Variants in MGAT4D observed in about 807,000 individuals in gnomAD.
The protein encoded by MGAT4D is MGAT4 family member D, also known as alpha-1,3-mannosyl-glycoprotein 4-beta-N-acetylglucosaminyltransferase-like protein MGAT4D.
A neutral mutation model predicts 15.9 loss-of-function variants in MGAT4D; 34 were observed. The ratio of observed to expected loss-of-function variants is 2.14; its 90% confidence interval spans 1.62 to 2.84. The LOEUF (loss-of-function observed/expected upper bound fraction) is 2.84, where lower values mean the gene tolerates loss of function less well. Ranked by LOEUF, MGAT4D falls within the 30% of genes most tolerant of loss-of-function variation. The probability of loss-of-function intolerance (pLI) is 0.00; values close to 1 mark genes in which losing one functional copy is unlikely to be tolerated. For synonymous variants in MGAT4D, 112 were observed against 48.2 expected (o/e 2.33, Z -5.49); for missense variants, 327 against 140.2 (o/e 2.33, Z -6.73).
At chr4:140,497,180 A>C (rs1188175948) in intron 1 of MGAT4D, among the ~76,000 whole-genome samples, 1 of 152,192 alleles carries the variant, frequency 6.6e-6, no homozygotes, top group Non-Finnish European at 1.5e-5. Flanking sequence ...CCTTGTGTGC[A>C]CTTAAGTCAT....
chr4:140,479,264 A>T (rs1186171729), intron 3 of MGAT4D, among the ~76,000 whole-genome samples: 1 of 152,218 alleles, frequency 6.6e-6, no homozygotes, highest in Non-Finnish European at 1.5e-5. Context: ...ACTTATTTTC[A>T]AAGCATTTGT....
At chr4:140,455,045 T>A (rs1344436162) in intron 9 of MGAT4D, among the ~76,000 whole-genome samples, 1 of 152,164 alleles carries the variant, frequency 6.6e-6, no homozygotes, top group Non-Finnish European at 1.5e-5. Flanking sequence ...TTATTGGTTT[T>A]CTCTATTATT....
rs756620034 is a variant in MGAT4D, at chr4:140,482,346, TTC to T, written c.232_233del (p.Glu78AsnfsTer16). On this transcript the variant is annotated frameshift_variant, in exon 2 of 11. Transcript: ENST00000511113. LOFTEE classifies it high-confidence loss of function. ...ACAAACCTAAGTTTCCTGACAAAAT[TTC>T]TCTCTTTGTAATTTCATACTTCATT... ...NRMKYEITKR[E>X]ILSGNLVAQK... is the part of the protein sequence containing the mutation. The T allele has an allele frequency of 2.1e-5, 13 of 628,598 alleles. No homozygotes were observed. The highest frequency in any genetic ancestry group is 2.8e-5 in the Non-Finnish European group (10 of 357,956). 38.9% of individuals were successfully genotyped at this position (628,598 alleles called of 1,614,324 possible). A position where few individuals can be genotyped will look rare whatever the true frequency, so the allele number is the denominator to read the frequency against.
At chr4:140,475,539 A>G (rs1732253247) in intron 3 of MGAT4D, among the ~76,000 whole-genome samples, 1 of 151,816 alleles carries the variant, frequency 6.6e-6, no homozygotes, top group East Asian at 1.9e-4. Flanking sequence ...ATATGGGCTT[A>G]GGCAAGATAC....
chr4:140,446,149 C>T (rs1337123730), intron 10 of MGAT4D, among the ~76,000 whole-genome samples: 2 of 151,950 alleles, frequency 1.3e-5, no homozygotes, highest in Non-Finnish European at 1.5e-5. Flanking sequence ...TGTGTCTCTG[C>T]CAGGTTTTGG....
At chr4:140,497,722 A>C (rs1733929003) in intron 1 of MGAT4D, among the ~76,000 whole-genome samples, 1 of 152,204 alleles carries the variant, frequency 6.6e-6, no homozygotes, top group Non-Finnish European at 1.5e-5. Context: ...ACGAAGGAGG[A>C]AAGATGCGGA....
rs150045666 is a variant in MGAT4D at position 140,460,102 on chromosome 4, G to A, written c.763-476C>T. On this transcript the variant is annotated intron_variant, in intron 7 of 10. Coordinates refer to ENST00000511113, the MANE Select transcript of MGAT4D (RefSeq NM_001277353.2). ...TTTGATTCTGAGATTAACCAGACAA[G>A]AGAGTATCTGTTTCTTTCCTAAATA... Among the ~76,000 whole-genome samples the A allele has an allele frequency of 8.5e-5, 13 of 152,250 alleles. No individual in the cohort carries two copies. In the East Asian group the frequency reaches 2.3e-3, roughly 27 times the overall value.
At chr4:140,446,638 T>A (rs1730140967) in intron 10 of MGAT4D, among the ~76,000 whole-genome samples, 2 of 151,906 alleles carry the variant, frequency 1.3e-5, no homozygotes, top group South Asian at 4.1e-4. Context: ...GATTCATTGA[T>A]CTTTTGAATG....
At position 140,492,413 on chromosome 4, in the gene MGAT4D, G is replaced by A. The variant is rs138841044; in HGVS notation, c.94+5716C>T. On this transcript the variant is annotated intron_variant, in intron 1 of 10. Coordinates refer to ENST00000511113, the MANE Select transcript of MGAT4D (RefSeq NM_001277353.2). ...AAGAGTTTAAAATAAGTGATTGTTC[G>A]AGATCAGGAGATTGAGACCAGCCTG... 8.5e-5 allele frequency among the ~76,000 whole-genome samples: 13 copies of A among 152,224 alleles called. No individual in the cohort carries two copies. In the East Asian group the frequency reaches 1.5e-3, roughly 18 times the overall value.
chr4:140,475,807 C>CTTTTTT (rs10711919), intron 3 of MGAT4D, among the ~76,000 whole-genome samples: 49 of 105,398 alleles, frequency 4.6e-4, no homozygotes, highest in Non-Finnish European at 5.4e-4. Flanking sequence ...TATTGGCTTT[C>CTTTTTT]TTTTTTTTTT....
At chr4:140,468,406 A>G (rs1306344183) in intron 5 of MGAT4D, among the ~76,000 whole-genome samples, 4 of 152,162 alleles carry the variant, frequency 2.6e-5, no homozygotes, top group Non-Finnish European at 5.9e-5. Flanking sequence ...ACAAGTAACC[A>G]CATACTCTAA....
chr4:140,483,707 C>A (rs779586076), intron 1 of MGAT4D, among the ~76,000 whole-genome samples: 1 of 152,018 alleles, frequency 6.6e-6, no homozygotes, highest in Admixed American at 6.6e-5. Context: ...CAGAAATTCA[C>A]GCATTTACAG....
At chr4:140,489,062 A>G (rs780550898) in intron 1 of MGAT4D, among the ~76,000 whole-genome samples, 3 of 152,210 alleles carry the variant, frequency 2.0e-5, no homozygotes, top group South Asian at 2.1e-4. Context: ...TAGCAATGCA[A>G]GAATGGCCTA....
chr4:140,484,650 C>T (rs1026842580), intron 1 of MGAT4D, among the ~76,000 whole-genome samples: 4 of 152,130 alleles, frequency 2.6e-5, no homozygotes, highest in Non-Finnish European at 5.9e-5. Flanking sequence ...ACAACCTACT[C>T]ATCTGACAAA....
At chr4:140,476,209 T>C (rs1009543241) in intron 3 of MGAT4D, among the ~76,000 whole-genome samples, 1 of 152,212 alleles carries the variant, frequency 6.6e-6, no homozygotes. Flanking sequence ...TTGATTGTAT[T>C]GATACTCTTT....
At chr4:140,484,959 T>C (rs954998240) in intron 1 of MGAT4D, among the ~76,000 whole-genome samples, 16 of 152,208 alleles carry the variant, frequency 1.1e-4, no homozygotes, top group Non-Finnish European at 1.9e-4. Context: ...GGTGGGACTG[T>C]AAACTAGTTC....
rs981370992 is a variant in MGAT4D, at chr4:140,479,490, C to T, written c.391G>A (p.Val131Ile). Reference protein sequence around the residue: ...DVIIGKGKTGVSFALGISTVN... With the variant: ...DVIIGKGKTGISFALGISTVN... ...ATTTTCCAATTCTAAGTTTTCTTACCACCAGTTTTCCCTTTGCCAATGATT... is the reference window on the plus strand; with the variant it reads ...ATTTTCCAATTCTAAGTTTTCTTACTACCAGTTTTCCCTTTGCCAATGATT... The change falls in exon 3 of 11, where the codon GTT becomes ATT. Residue 131 changes from valine to isoleucine, a missense_variant and splice_region_variant. Physicochemically the swap from Val to Ile is conservative, Grantham distance 29. Transcript: ENST00000511113. 2.1e-6 allele frequency: 1 copy of T among 480,460 alleles called. No homozygotes were observed. Among genetic ancestry groups the T allele is most frequent in the Non-Finnish European group, 3.7e-6 (1 of 271,838 alleles). 29.8% of individuals were successfully genotyped at this position (480,460 alleles called of 1,614,324 possible). A position where few individuals can be genotyped will look rare whatever the true frequency, so the allele number is the denominator to read the frequency against.
rs74407203 is a variant in MGAT4D at position 140,465,428 on chromosome 4, C to T, written c.573-419G>A. On this transcript the variant is annotated intron_variant, in intron 5 of 10. Coordinates refer to ENST00000511113, the MANE Select transcript of MGAT4D (RefSeq NM_001277353.2). The stretch of plus-strand genomic sequence containing the variant: ...CAATGTGGCTCCTGAAACTAGATTA[C>T]CCCAGCAAGCAAGGATTTAGTCAGA... Among the ~76,000 whole-genome samples, 419 of 152,232 alleles carry T rather than the reference C, an allele frequency of 2.8e-3. 1 individual carries two copies. The highest frequency in any genetic ancestry group is 3.6e-3 in the Non-Finnish European group (247 of 68,002).
intron 3 of MGAT4D, among the ~76,000 whole-genome samples, chr4:140,477,691 C>A (rs1164091678): frequency 6.6e-6 from 1 of 152,222 alleles, no homozygotes; most frequent in Non-Finnish European, 1.5e-5. Flanking sequence ...ACAGCCTTTT[C>A]TGCATATACC....
Sources: gnomAD v4.1 joint callset for allele counts (sites outside exome capture counted in the v4.1 genomes callset) on GRCh38, gnomAD v4.1.1 for gene constraint, MANE v1.5 for transcripts, NCBI Gene and HGNC (gene_info 2026-07-23, HGNC 2026-07-21) for gene names.